The following RUNX1 variants were observed in gnomAD, a reference collection of about 807,000 sequenced individuals.
The protein encoded by RUNX1 is RUNX family transcription factor 1, also known as runt-related transcription factor 1.
In RUNX1, 19 loss-of-function variants were observed where a neutral mutation model predicts 42.8. That is an observed-to-expected ratio of 0.44 (90% CI 0.31 to 0.65). The LOEUF (loss-of-function observed/expected upper bound fraction) is 0.65. Ranked by LOEUF, RUNX1 falls within the 30% of genes least tolerant of loss-of-function variation. The pLI is 0.07. For missense variants in RUNX1, 528 were observed against 672.0 expected, an observed-to-expected ratio of 0.79 and a Z score of 2.37; for synonymous variants, 271 against 289.4, an observed-to-expected ratio of 0.94 and a Z score of 0.64.
chr21:34,835,988 C>T (rs762139393), intron 6 of RUNX1, among the ~76,000 whole-genome samples: 5 of 152,236 alleles, frequency 3.3e-5, no homozygotes, highest in Non-Finnish European at 7.3e-5. Flanking sequence ...TTTCTTCCTG[C>T]TGCCAGGCCC....
chr21:34,988,642 A>T (rs1181813451), intron 2 of RUNX1, among the ~76,000 whole-genome samples: 6 of 152,110 alleles, frequency 3.9e-5, no homozygotes, highest in African/African-American at 1.4e-4. Context: ...GTAGCTTGTT[A>T]TTTCTACTGC....
chr21:35,002,139 G>A (rs950101325), intron 2 of RUNX1, among the ~76,000 whole-genome samples: 1 of 151,704 alleles, frequency 6.6e-6, no homozygotes, highest in East Asian at 1.9e-4. Flanking sequence ...TATTTTTACA[G>A]AAATAATAAG....
At position 34,926,461 on chromosome 21, in the gene RUNX1, CAAAAAAAAA is replaced by C. The variant is rs1188609077; in HGVS notation, c.59-33507_59-33499del. ...TGGGCAACAGAGTGAGACCCAGTCT[CAAAAAAAAA>C]AAAAAAAAAAAAAAAGACAGCACAT... On this transcript the variant is annotated intron_variant, in intron 2 of 8. Transcript: ENST00000675419. 1.4e-3 allele frequency among the ~76,000 whole-genome samples: 10 copies of C among 7,150 alleles called. No homozygotes were observed. In the East Asian group the frequency reaches 0.097, roughly 70 times the overall value. 4.7% of individuals were successfully genotyped at this position (7,150 alleles called of 152,430 possible).
At chr21:34,826,280 A>G (rs925959517) in intron 7 of RUNX1, among the ~76,000 whole-genome samples, 5 of 152,108 alleles carry the variant, frequency 3.3e-5, no homozygotes, top group African/African-American at 1.2e-4. Context: ...TGCCTTTGTT[A>G]TAAAAGCAAG....
intron 2 of RUNX1, among the ~76,000 whole-genome samples, chr21:34,899,406 C>G (rs2058159033): frequency 6.6e-6 from 1 of 152,052 alleles, no homozygotes; most frequent in African/African-American, 2.4e-5. Context: ...ATTGATCTCT[C>G]TCTCTCTCTT....
intron 2 of RUNX1, among the ~76,000 whole-genome samples, chr21:35,031,152 CA>C (rs1295411342): frequency 6.6e-6 from 1 of 152,154 alleles, no homozygotes; most frequent in Non-Finnish European, 1.5e-5. Flanking sequence ...AGTTCGAGAC[CA>C]GCCTGACCAA....
intron 4 of RUNX1, among the ~76,000 whole-genome samples, chr21:34,884,481 T>C (rs1601523500): frequency 6.6e-6 from 1 of 152,198 alleles, no homozygotes; most frequent in Non-Finnish European, 1.5e-5. Context: ...CCTAGGGAGA[T>C]TGCCTGCGGC....
At chr21:34,961,288 C>A (rs551027670) in intron 2 of RUNX1, among the ~76,000 whole-genome samples, 1 of 151,744 alleles carries the variant, frequency 6.6e-6, no homozygotes, top group Non-Finnish European at 1.5e-5. Context: ...GCAGGGGAGG[C>A]GGATGTTACA....
intron 3 of RUNX1, among the ~76,000 whole-genome samples, chr21:34,891,686 A>G (rs2058082120): frequency 6.7e-6 from 1 of 149,440 alleles, no homozygotes; most frequent in South Asian, 2.1e-4. Flanking sequence ...GCTAGAATTT[A>G]CTTTTGTCAT....
At chr21:35,047,555 ACACACACTCTCTCTCTCTCT>A (rs1374929894) in intron 2 of RUNX1, among the ~76,000 whole-genome samples, 1 of 84,306 alleles carries the variant, frequency 1.2e-5, no homozygotes, top group African/African-American at 6.3e-5. Flanking sequence ...ACACACACAC[ACACACACTCTCTCTCTCTCT>A]CTCTCTCTCT....
rs536017217 is a variant in RUNX1, at chr21:34,843,165, T to C, written c.614-8564A>G. On this transcript the variant is annotated intron_variant, in intron 6 of 8. Transcript: ENST00000675419. The surrounding 1 kb of genome is among the most constrained non-coding windows in gnomAD (Gnocchi z 4.8). ...GGACATATACACACAAACACAGGCA[T>C]GCATGTAAACACATACAGACACACA... Among the ~76,000 whole-genome samples, 34 of 152,032 alleles carry C rather than the reference T, an allele frequency of 2.2e-4. 1 individual carries two copies. In the South Asian group the frequency reaches 6.8e-3, roughly 31 times the overall value.
At chr21:34,924,458 G>T (rs1195033505) in intron 2 of RUNX1, among the ~76,000 whole-genome samples, 1 of 152,190 alleles carries the variant, frequency 6.6e-6, no homozygotes, top group East Asian at 1.9e-4. Context: ...TTTGTTAAAG[G>T]ACAGTAGGAA....
At chr21:34,806,067 TGTG>T (rs550687233) in intron 7 of RUNX1, among the ~76,000 whole-genome samples, 109 of 151,538 alleles carry the variant, frequency 7.2e-4, no homozygotes, top group African/African-American at 2.3e-3. Flanking sequence ...GAAAAAGAGG[TGTG>T]GGGGGAAGAA....
chr21:34,788,755 T>C lies in RUNX1; in HGVS notation c.*3380A>G, dbSNP rs79122814. 5,215 of 233,570 alleles carry C rather than the reference T, an allele frequency of 0.022. 179 individuals carry two copies. The highest frequency in any genetic ancestry group is 0.086 in the African/African-American group (3,909 of 45,434). The allele number at this position is 233,570 out of a possible 1,614,324, so 14.5% of individuals were successfully genotyped here. On this transcript the variant is annotated 3_prime_UTR_variant, in exon 9 of 9. Coordinates refer to ENST00000675419, the MANE Select transcript of RUNX1 (RefSeq NM_001754.5). ...ACACAAAAATCCCAAAACAAATGTA[T>C]ACGCTACGGTAAACAAAAAGGCATT...
intron 2 of RUNX1, among the ~76,000 whole-genome samples, chr21:35,045,401 A>G (rs2059388984): frequency 1.3e-5 from 2 of 152,170 alleles, no homozygotes; most frequent in Admixed American, 1.3e-4. Flanking sequence ...GAATTAATAC[A>G]TTGAAGTCCT....
chr21:34,895,288 C>T (rs1015196377), intron 2 of RUNX1, among the ~76,000 whole-genome samples: 2 of 152,186 alleles, frequency 1.3e-5, no homozygotes, highest in African/African-American at 4.8e-5. Flanking sequence ...TTCCTAGATA[C>T]AAGGTATTTG....
chr21:35,049,098 T>A, intron 1 of RUNX1, 70 bp downstream of exon 1: 1 of 573,422 alleles, frequency 1.7e-6, no homozygotes. Flanking sequence ...AAAACAAATA[T>A]TCAAATTGTT....
At chr21:35,041,784 A>G (rs1352357876) in intron 2 of RUNX1, among the ~76,000 whole-genome samples, 1 of 151,994 alleles carries the variant, frequency 6.6e-6, no homozygotes, top group Non-Finnish European at 1.5e-5. Context: ...CAGAAATTCA[A>G]TGTATGAATA....
chr21:34,890,013 C>CG (rs1025484487), intron 3 of RUNX1, among the ~76,000 whole-genome samples: 4 of 152,040 alleles, frequency 2.6e-5, no homozygotes, highest in Non-Finnish European at 4.4e-5. Flanking sequence ...GCCGACCTCA[C>CG]GGGGCCCCTG....
Sources: gnomAD v4.1 joint callset for allele counts (sites outside exome capture counted in the v4.1 genomes callset) on GRCh38, gnomAD v4.1.1 for gene constraint, Gnocchi (gnomAD v3.1) non-coding constraint, MANE v1.5 for transcripts, NCBI Gene and HGNC (gene_info 2026-07-23, HGNC 2026-07-21) for gene names.